Variants in SDK1 observed in about 807,000 individuals in gnomAD.
The protein encoded by SDK1 is protein sidekick-1.
A neutral mutation model predicts 245.5 loss-of-function variants in SDK1; 157 were observed. The observed-to-expected ratio is 0.64, with a 90% CI of 0.56 to 0.73. The LOEUF is 0.73. Among genes scored for constraint, SDK1 ranks in the 30% least tolerant of loss-of-function variants. The pLI, the probability that SDK1 is intolerant of heterozygous loss-of-function variation, is 0.00. For missense variants in SDK1, 3,583 were observed against 3,002.3 expected, an observed-to-expected ratio of 1.19 and a Z score of -4.52; for synonymous variants, 1,647 against 1,278.5, an observed-to-expected ratio of 1.29 and a Z score of -6.15.
chr7:4,161,920 C>CGTTGTGGCTGA, intron 32 of SDK1, 64 bp downstream of exon 32: 2 of 1,426,872 alleles, frequency 1.4e-6, no homozygotes, highest in Non-Finnish European at 2.0e-6. Context: ...CGCATTCAGC[C>CGTTGTGGCTGA]ACAACGGCTG....
intron 40 of SDK1, among the ~76,000 whole-genome samples, chr7:4,231,880 T>C (rs1005083424): frequency 5.3e-5 from 8 of 152,158 alleles, no homozygotes; most frequent in Non-Finnish European, 1.0e-4. Context: ...CGGAGCAGTC[T>C]CAGTGCCCAT....
chr7:4,241,536 G>T (rs1210752377), intron 42 of SDK1, among the ~76,000 whole-genome samples: 1 of 152,176 alleles, frequency 6.6e-6, no homozygotes, highest in Admixed American at 6.5e-5. Flanking sequence ...ATAAAACACT[G>T]GCAAGAATAC....
intron 22 of SDK1, among the ~76,000 whole-genome samples, chr7:4,083,358 C>T (rs1356165920): frequency 6.6e-6 from 1 of 152,186 alleles, no homozygotes; most frequent in Non-Finnish European, 1.5e-5. Flanking sequence ...CTCTTTTCCC[C>T]CATGCAGTTG....
In SDK1 at chr7:3,728,716, C is replaced by G. The variant is rs1196119125; in HGVS notation, c.713+86611C>G. On this transcript the variant is annotated intron_variant, in intron 4 of 44. Coordinates refer to ENST00000404826, the MANE Select transcript of SDK1 (RefSeq NM_152744.4). ...CACCTCCTGGGCTCAAGCAGTTCTC[C>G]TGCCTCAGCCTCCCAAGTAGCTGGG... Among the ~76,000 whole-genome samples, 3 of 152,210 alleles carry G rather than the reference C, an allele frequency of 2.0e-5. No individual in the cohort carries two copies. In the East Asian group the frequency reaches 5.8e-4, roughly 29 times the overall value.
intron 1 of SDK1, among the ~76,000 whole-genome samples, chr7:3,531,037 A>G (rs1336543200): frequency 1.3e-5 from 2 of 152,214 alleles, no homozygotes; most frequent in South Asian, 2.1e-4. Context: ...TTCTGTCACT[A>G]TAACTCTGCT....
intron 1 of SDK1, among the ~76,000 whole-genome samples, chr7:3,429,957 GTCTC>G (rs1210446377): frequency 2.6e-5 from 4 of 152,172 alleles, no homozygotes; most frequent in Non-Finnish European, 4.4e-5. Context: ...ATCCGTATGT[GTCTC>G]TCTATCTGTA....
intron 4 of SDK1, among the ~76,000 whole-genome samples, chr7:3,779,570 C>T (rs936992137): frequency 6.6e-6 from 1 of 151,960 alleles, no homozygotes; most frequent in East Asian, 1.9e-4. Context: ...TATATTGCTT[C>T]TCCTTTTCTC....
chr7:3,655,787 T>A (rs1279103782), intron 4 of SDK1, among the ~76,000 whole-genome samples: 1 of 151,814 alleles, frequency 6.6e-6, no homozygotes, highest in African/African-American at 2.4e-5. Context: ...GTACACTAGA[T>A]CGAGACTCAG....
At chr7:4,213,981 G>A (rs149865648) in intron 38 of SDK1, among the ~76,000 whole-genome samples, 84 of 152,282 alleles carry the variant, frequency 5.5e-4, no homozygotes, top group African/African-American at 1.9e-3. Context: ...AGCTCAAGTC[G>A]GGCACTGTGC....
intron 5 of SDK1, among the ~76,000 whole-genome samples, chr7:3,836,800 A>T (rs983397808): frequency 1.3e-5 from 2 of 152,214 alleles, no homozygotes; most frequent in African/African-American, 4.8e-5. Flanking sequence ...CTTCCTTAGG[A>T]GACTGGGTGA....
chr7:4,051,849 G>C lies in SDK1; in HGVS notation c.2911+19G>C. 6.3e-7 allele frequency: 1 copy of C among 1,596,764 alleles called. No homozygotes were observed. The highest frequency in any genetic ancestry group is 8.6e-7 in the Non-Finnish European group (1 of 1,168,180). On this transcript the variant is annotated intron_variant, in intron 19 of 44. Coordinates refer to ENST00000404826, the MANE Select transcript of SDK1 (RefSeq NM_152744.4). ...GAAGACAGTGAGTATTCCTTTCTGC[G>C]TGTCTCTTAAGTCACTTGTCAAAGA...
chr7:4,134,443 C>T (rs1403876955), intron 28 of SDK1, among the ~76,000 whole-genome samples: 3 of 152,176 alleles, frequency 2.0e-5, no homozygotes, highest in Non-Finnish European at 2.9e-5. Context: ...ACAGCTGTGG[C>T]GAGGAGATTT....
intron 17 of SDK1, among the ~76,000 whole-genome samples, chr7:4,022,475 C>A (rs1196208679): frequency 6.6e-6 from 1 of 152,144 alleles, no homozygotes; most frequent in Non-Finnish European, 1.5e-5. Flanking sequence ...GGGTGTGGAA[C>A]TTGCTAGGCT....
chr7:4,176,776 C>T (rs532391851), intron 34 of SDK1, among the ~76,000 whole-genome samples: 211 of 152,282 alleles, frequency 1.4e-3, no homozygotes, highest in African/African-American at 4.7e-3. Context: ...ATGAGCTTAA[C>T]GTCTTCAAGG....
rs551447625 is a variant in SDK1, at chr7:4,266,934, C to T, written c.*1550C>T. Reference sequence around the variant, plus strand: ...GACCTGAGGGTAGGGGACAACTGAGCAGTATCTGACCAGTGCCACCCAGGA... The same window carrying T: ...GACCTGAGGGTAGGGGACAACTGAGTAGTATCTGACCAGTGCCACCCAGGA... On this transcript the variant is annotated 3_prime_UTR_variant, in exon 45 of 45. Coordinates refer to ENST00000404826, the MANE Select transcript of SDK1 (RefSeq NM_152744.4). 15 of 985,486 alleles carry T rather than the reference C, an allele frequency of 1.5e-5. No individual in the cohort carries two copies. In the African/African-American group the frequency reaches 2.4e-4, roughly 16 times the overall value. The allele number at this position is 985,486 out of a possible 1,614,324, so 61.0% of individuals were successfully genotyped here. A position where few individuals can be genotyped will look rare whatever the true frequency, so the allele number is the denominator to read the frequency against.
chr7:3,609,782 C>T (rs1430532822), intron 1 of SDK1, among the ~76,000 whole-genome samples: 2 of 145,920 alleles, frequency 1.4e-5, no homozygotes, highest in African/African-American at 5.1e-5. Context: ...CTCACTGCAA[C>T]CTTTGCCTCC....
At chr7:4,003,672 C>T (rs1785242129) in intron 14 of SDK1, among the ~76,000 whole-genome samples, 1 of 152,240 alleles carries the variant, frequency 6.6e-6, no homozygotes, top group Non-Finnish European at 1.5e-5. Flanking sequence ...CGTGACTCAT[C>T]ACTGCTGATG....
At chr7:3,584,965 C>G (rs926250176) in intron 1 of SDK1, among the ~76,000 whole-genome samples, 2 of 152,114 alleles carry the variant, frequency 1.3e-5, no homozygotes, top group African/African-American at 4.8e-5. Flanking sequence ...ACCTCGTAAT[C>G]TGCCCTCCTC....
At chr7:4,264,657 C>T (rs1411748898) in intron 44 of SDK1, among the ~76,000 whole-genome samples, 3 of 149,316 alleles carry the variant, frequency 2.0e-5, no homozygotes, top group Non-Finnish European at 4.5e-5. Context: ...GCCGTGTAGA[C>T]CTCTCCTGAG....
Sources: gnomAD v4.1 joint callset for allele counts (sites outside exome capture counted in the v4.1 genomes callset) on GRCh38, gnomAD v4.1.1 for gene constraint, MANE v1.5 for transcripts, NCBI Gene and HGNC (gene_info 2026-07-23, HGNC 2026-07-21) for gene names.